The following ZNF682 variants were observed in gnomAD, a reference collection of about 807,000 sequenced individuals.
ZNF682 encodes zinc finger protein 682.
A neutral mutation model predicts 36.5 loss-of-function variants in ZNF682; 29 were observed. The observed-to-expected ratio is 0.80, with a 90% CI of 0.59 to 1.08. The LOEUF (loss-of-function observed/expected upper bound fraction) is 1.08. Among genes scored for constraint, ZNF682 ranks in the 50% least tolerant of loss-of-function variants. The pLI is 0.00. For missense variants in ZNF682, 561 were observed against 579.7 expected (o/e 0.97, Z 0.33); for synonymous variants, 180 against 197.0 (o/e 0.91, Z 0.72).
At chr19:20,038,214 CT>C (rs900871892) in intron 1 of ZNF682, among the ~76,000 whole-genome samples, 82 of 146,254 alleles carry the variant, frequency 5.6e-4, no homozygotes, top group East Asian at 7.9e-4. Context: ...GTTTTTTGGT[CT>C]TTTTTTTTTT....
chr19:20,037,953 C>G (rs1260001261), intron 1 of ZNF682, among the ~76,000 whole-genome samples: 3 of 152,230 alleles, frequency 2.0e-5, no homozygotes, highest in African/African-American at 4.8e-5. Flanking sequence ...ATTCCCATAC[C>G]TGGCAGGGTT....
At chr19:20,021,194 T>A (rs1187557083) in intron 3 of ZNF682, among the ~76,000 whole-genome samples, 1 of 152,258 alleles carries the variant, frequency 6.6e-6, no homozygotes, top group Non-Finnish European at 1.5e-5. Context: ...CTGGACTGCA[T>A]GCAGCCAGCA....
intron 1 of ZNF682, among the ~76,000 whole-genome samples, chr19:20,037,631 T>C (rs1295268828): frequency 6.6e-6 from 1 of 152,134 alleles, no homozygotes; most frequent in Non-Finnish European, 1.5e-5. Context: ...ACAATAACCA[T>C]TCTACCAAGA....
At chr19:20,001,826 C>T (rs2088169777), downstream of ZNF682, among the ~76,000 whole-genome samples, 2 of 152,156 alleles carry the variant, frequency 1.3e-5, no homozygotes, top group African/African-American at 4.8e-5. Context: ...TTAATTAGGT[C>T]CCATGCCAAT....
chr19:19,999,420 AT>A (rs34816773), downstream of ZNF682, among the ~76,000 whole-genome samples: 77,627 of 152,020 alleles, frequency 0.51, 20,372 homozygotes, highest in East Asian at 0.71. Flanking sequence ...TGCTTAAGAG[AT>A]TTTTTAAAAA....
chr19:20,038,597 C>T (rs532512595), intron 1 of ZNF682, among the ~76,000 whole-genome samples: 1 of 133,556 alleles, frequency 7.5e-6, no homozygotes, highest in Non-Finnish European at 1.6e-5. Flanking sequence ...GGCTCTAGTA[C>T]CCTGAGTTCC....
At chr19:20,018,384 G>A (rs1236319353) in intron 3 of ZNF682, among the ~76,000 whole-genome samples, 1 of 152,038 alleles carries the variant, frequency 6.6e-6, no homozygotes, top group African/African-American at 2.4e-5. Context: ...GTGAGCCACC[G>A]CGCCCAGCCT....
intron 1 of ZNF682, among the ~76,000 whole-genome samples, chr19:20,038,783 G>A (rs1474749335): frequency 6.6e-6 from 1 of 152,082 alleles, no homozygotes; most frequent in Non-Finnish European, 1.5e-5. Flanking sequence ...TACATAACTG[G>A]AACGAGTCAG....
intron 1 of ZNF682, among the ~76,000 whole-genome samples, chr19:20,034,529 A>T (rs2088509671): frequency 6.6e-6 from 1 of 152,196 alleles, no homozygotes; most frequent in African/African-American, 2.4e-5. Flanking sequence ...CTGTAATCCC[A>T]ACACTTTAAG....
At chr19:20,009,084 C>T (rs559291055) in intron 3 of ZNF682, among the ~76,000 whole-genome samples, 56 of 152,266 alleles carry the variant, frequency 3.7e-4, no homozygotes, top group South Asian at 1.5e-3. Context: ...GAAGCACCAG[C>T]TCCCTCAGAT....
In ZNF682 at chr19:20,005,803, C is replaced by A. The variant is rs1394844681; in HGVS notation, c.*202G>T. On this transcript the variant is annotated 3_prime_UTR_variant, in exon 4 of 4. Coordinates refer to ENST00000397165, the MANE Select transcript of ZNF682 (RefSeq NM_033196.3). ...TAGTTATTAAATGCTTTGCCACATT[C>A]TTTAAAATCAGAATTTTTCTCAGCA... 5.1e-6 allele frequency: 3 copies of A among 593,410 alleles called. No homozygotes were observed. Among genetic ancestry groups the A allele is most frequent in the Non-Finnish European group, 8.6e-6 (3 of 349,052 alleles). The allele number at this position is 593,410 out of a possible 1,614,324, so 36.8% of individuals were successfully genotyped here.
intron 3 of ZNF682, among the ~76,000 whole-genome samples, chr19:19,999,402 A>G (rs1476426895): frequency 7.2e-6 from 1 of 138,194 alleles, no homozygotes; most frequent in Non-Finnish European, 1.5e-5. Context: ...AAACACTGAA[A>G]TTTCCTTTGC....
exon 4 of ZNF682, chr19:19,997,114 T>C (rs1016631706): frequency 5.1e-6 from 2 of 395,476 alleles, no homozygotes; most frequent in African/African-American, 4.2e-5. Flanking sequence ...TATAAGCCAG[T>C]GCATGCACTC....
downstream of ZNF682, among the ~76,000 whole-genome samples, chr19:20,003,531 C>G (rs1171707689): frequency 6.6e-6 from 1 of 151,534 alleles, no homozygotes; most frequent in Non-Finnish European, 1.5e-5. Context: ...GGTGAAACCC[C>G]GTCTCTACTA....
chr19:19,997,300 A>G, intron 3 of ZNF682: 1 of 398,664 alleles, frequency 2.5e-6, no homozygotes, highest in African/African-American at 2.1e-5. Flanking sequence ...ATCTCAGCCT[A>G]GCATAGACAA....
Position 20,006,382 on chromosome 19 carries a change from A to G in ZNF682, c.1120T>C (p.Cys374Arg), listed in dbSNP as rs1568537093. 3.1e-6 allele frequency: 5 copies of G among 1,613,042 alleles called. No homozygotes were observed. The highest frequency in any genetic ancestry group is 4.2e-6 in the Non-Finnish European group (5 of 1,179,796). ...GAGAACCTCTTAAAGACTTTGTCAC[A>G]TTTTTCACATTTGTAGGGTTTCTCT... The part of the protein sequence containing the change: ...SGEKPYKCEK[C>R]DKVFKRFSYL... Residue 374 changes from cysteine (C) to arginine (R), a missense_variant, in exon 4 of 4, where the codon TGT (cysteine) becomes CGT (arginine). Transcript: ENST00000397165.
intron 3 of ZNF682, among the ~76,000 whole-genome samples, chr19:20,022,751 C>G (rs1212394472): frequency 6.6e-6 from 1 of 152,148 alleles, no homozygotes; most frequent in African/African-American, 2.4e-5. Flanking sequence ...AAAGGGCAGT[C>G]AGATAATAAA....
intron 3 of ZNF682, among the ~76,000 whole-genome samples, chr19:20,009,677 C>T (rs951316647): frequency 2.6e-5 from 4 of 152,172 alleles, no homozygotes; most frequent in African/African-American, 9.7e-5. Context: ...GTGGACCTCC[C>T]CACAGAAACC....
chr19:20,018,243 G>C (rs1201896949), intron 3 of ZNF682, among the ~76,000 whole-genome samples: 1 of 150,746 alleles, frequency 6.6e-6, no homozygotes, highest in African/African-American at 2.4e-5. Context: ...ACAGGCGCCC[G>C]CCACTACGCC....
Sources: gnomAD v4.1 joint callset for allele counts (sites outside exome capture counted in the v4.1 genomes callset) on GRCh38, gnomAD v4.1.1 for gene constraint, MANE v1.5 for transcripts, NCBI Gene and HGNC (gene_info 2026-07-23, HGNC 2026-07-21) for gene names.